ERBB4: variants seen among roughly 807,000 people sequenced by gnomAD.
ERBB4 encodes receptor tyrosine-protein kinase erbB-4.
ERBB4 carries 42 observed loss-of-function variants against 158.0 expected under a neutral mutation model. That is an observed-to-expected ratio of 0.27 (90% CI 0.21 to 0.34). ERBB4 has a LOEUF of 0.34. Among genes scored for constraint, ERBB4 ranks in the 10% least tolerant of loss-of-function variants. The pLI, the probability that ERBB4 is intolerant of heterozygous loss-of-function variation, is 1.00. For missense variants in ERBB4, 1,333 were observed against 1,624.1 expected (o/e 0.82, Z 3.08); for synonymous variants, 583 against 558.7 (o/e 1.04, Z -0.61).
intron 3 of ERBB4, among the ~76,000 whole-genome samples, chr2:211,795,182 G>A (rs1273121836): frequency 6.6e-6 from 1 of 151,790 alleles, no homozygotes; most frequent in Non-Finnish European, 1.5e-5. Flanking sequence ...ACAGGTGGTA[G>A]GGGAGAGAAA....
intron 1 of ERBB4, among the ~76,000 whole-genome samples, chr2:212,354,095 A>C (rs1266078447): frequency 6.6e-6 from 1 of 152,152 alleles, no homozygotes; most frequent in Non-Finnish European, 1.5e-5. Flanking sequence ...TACCTGGCTC[A>C]TCCTTACCAA....
At position 212,130,491 on chromosome 2, in the gene ERBB4, T is replaced by C. The variant is rs910393724; in HGVS notation, c.83-5588A>G. Among the ~76,000 whole-genome samples the C allele has an allele frequency of 3.3e-5, 5 of 152,244 alleles. No homozygotes were observed. In the South Asian group the frequency reaches 6.2e-4, roughly 19 times the overall value. ...AAAGGTTGGTTAACAGTGGATTAATTTGATTCATGGGGAAATATATTAAAA... is the reference window on the plus strand; with the variant it reads ...AAAGGTTGGTTAACAGTGGATTAATCTGATTCATGGGGAAATATATTAAAA... On this transcript the variant is annotated intron_variant, in intron 1 of 27. Transcript: ENST00000342788.
At chr2:211,732,875 G>C (rs1306247439) in intron 5 of ERBB4, among the ~76,000 whole-genome samples, 1 of 152,186 alleles carries the variant, frequency 6.6e-6, no homozygotes, top group Admixed American at 6.5e-5. Flanking sequence ...TACTCAGGAG[G>C]CTGAGGCAGG....
chr2:212,302,344 C>T (rs1340611412), intron 1 of ERBB4, among the ~76,000 whole-genome samples: 1 of 151,254 alleles, frequency 6.6e-6, no homozygotes, highest in Non-Finnish European at 1.5e-5. Flanking sequence ...TTAATAATTG[C>T]TTGACATAAG....
chr2:211,840,899 G>T (rs1447134101), intron 3 of ERBB4, among the ~76,000 whole-genome samples: 2 of 152,162 alleles, frequency 1.3e-5, no homozygotes, highest in East Asian at 3.9e-4. Context: ...GAGATCAAGT[G>T]GGACACTTGC....
chr2:211,527,542 A>T (rs1173115418), intron 20 of ERBB4, among the ~76,000 whole-genome samples: 1 of 152,144 alleles, frequency 6.6e-6, no homozygotes, highest in African/African-American at 2.4e-5. Flanking sequence ...AGTACAGAGA[A>T]TAATACAAAA....
chr2:212,290,998 G>A (rs2086186494), intron 1 of ERBB4, among the ~76,000 whole-genome samples: 1 of 152,034 alleles, frequency 6.6e-6, no homozygotes, highest in South Asian at 2.1e-4. Flanking sequence ...CAGAGACAAG[G>A]CAACTGTTTC....
chr2:212,092,535 G>A (rs2078809636), intron 2 of ERBB4, among the ~76,000 whole-genome samples: 1 of 152,070 alleles, frequency 6.6e-6, no homozygotes. Context: ...GACTCATGAG[G>A]CTAAGGAAAA....
At chr2:212,416,822 T>C (rs938075908) in intron 1 of ERBB4, among the ~76,000 whole-genome samples, 6 of 152,056 alleles carry the variant, frequency 3.9e-5, no homozygotes, top group African/African-American at 1.4e-4. Context: ...TTTTATTCAG[T>C]GTTTCAAAGC....
intron 12 of ERBB4, among the ~76,000 whole-genome samples, chr2:211,696,737 T>A (rs2073037709): frequency 6.6e-6 from 1 of 152,128 alleles, no homozygotes; most frequent in Non-Finnish European, 1.5e-5. Context: ...TGGCGTGATC[T>A]TGGCTCACTG....
intron 22 of ERBB4, 65 bp downstream of exon 22, chr2:211,428,343 T>A: frequency 1.1e-6 from 1 of 891,080 alleles, no homozygotes; most frequent in Non-Finnish European, 1.9e-6. Flanking sequence ...TTAAGATATT[T>A]CACATGAACT....
chr2:211,612,285 T>C (rs915709974), intron 19 of ERBB4, among the ~76,000 whole-genome samples: 4 of 152,178 alleles, frequency 2.6e-5, no homozygotes, highest in African/African-American at 9.6e-5. Context: ...CTGTCTCCTA[T>C]GTGCTGATAT....
In ERBB4 at chr2:212,161,495, G is replaced by A. The variant is rs890506940; in HGVS notation, c.83-36592C>T. On this transcript the variant is annotated intron_variant, in intron 1 of 27. Transcript: ENST00000342788. ...ATATAATGATTAAAATGAAAGAGCA[G>A]GAAAAGTTTTCTGCTAAACTCTAAA... Among the ~76,000 whole-genome samples the A allele has an allele frequency of 4.6e-5, 7 of 151,924 alleles. No individual in the cohort carries two copies. The East Asian group carries it at 1.4e-3, about 29-fold the overall frequency.
rs186127583 is a variant in ERBB4, at chr2:211,382,106, T to C, written c.*1509A>G. ...TAATTGCATGAGAAGATGTTTCACATTTATTTACAACTTTTGACCCAAGGA... is the reference window on the plus strand; with the variant it reads ...TAATTGCATGAGAAGATGTTTCACACTTATTTACAACTTTTGACCCAAGGA... On this transcript the variant is annotated 3_prime_UTR_variant, in exon 28 of 28. Transcript: ENST00000342788. The C allele has an allele frequency of 2.3e-4, 52 of 230,334 alleles. 1 individual carries two copies. Among genetic ancestry groups the C allele is most frequent in the Admixed American group, 2.2e-3 (39 of 17,732 alleles). The allele number at this position is 230,334 out of a possible 1,614,324, so 14.3% of individuals were successfully genotyped here. A position where few individuals can be genotyped will look rare whatever the true frequency, so the allele number is the denominator to read the frequency against.
At chr2:211,597,409 G>A (rs2068667514) in intron 19 of ERBB4, among the ~76,000 whole-genome samples, 1 of 152,052 alleles carries the variant, frequency 6.6e-6, no homozygotes, top group African/African-American at 2.4e-5. Context: ...AACATAAATG[G>A]ATTCATTTGT....
At chr2:212,340,604 A>G (rs1171569650) in intron 1 of ERBB4, among the ~76,000 whole-genome samples, 3 of 152,142 alleles carry the variant, frequency 2.0e-5, no homozygotes, top group African/African-American at 4.8e-5. Flanking sequence ...TTGCACTCCT[A>G]TGAGAATCTA....
intron 10 of ERBB4, 91 bp from the exon 11 acceptor site, chr2:211,704,285 A>T: frequency 1.2e-6 from 1 of 847,208 alleles, no homozygotes. Context: ...AATGTGTTGA[A>T]AGTTGGGAAG....
At chr2:211,700,812 G>C (rs1425474951) in intron 12 of ERBB4, among the ~76,000 whole-genome samples, 5 of 152,156 alleles carry the variant, frequency 3.3e-5, no homozygotes, top group African/African-American at 9.6e-5. Flanking sequence ...TGTGAGAGCA[G>C]AATTTTCTAG....
At position 211,505,788 on chromosome 2, in the gene ERBB4, G is replaced by C. The variant is rs529201362; in HGVS notation, c.2487+56115C>G. 8.6e-5 allele frequency among the ~76,000 whole-genome samples: 13 copies of C among 151,816 alleles called. 1 individual carries two copies. On this transcript the variant is annotated intron_variant, in intron 20 of 27. Transcript: ENST00000342788. ...ATCCTGGCTAACACGGTGAAACCCC[G>C]TCTCTACTAAAAATACAAAAAATTA...
Sources: allele counts gnomAD v4.1 joint callset (sites outside exome capture counted in the v4.1 genomes callset), GRCh38; gene constraint gnomAD v4.1.1; transcripts MANE v1.5; gene names NCBI Gene and HGNC (gene_info 2026-07-23, HGNC 2026-07-21).